The following MESP1 variants were observed in gnomAD, a reference collection of about 807,000 sequenced individuals.
The protein encoded by MESP1 is mesoderm posterior bHLH transcription factor 1.
A neutral mutation model predicts 15.2 loss-of-function variants in MESP1; 22 were observed. The observed-to-expected ratio is 1.45, with a 90% CI of 1.04 to 2.07. The LOEUF is 2.07. Among genes scored for constraint, MESP1 ranks in the 30% most tolerant of loss-of-function variants. The pLI is 0.00. For synonymous variants in MESP1, 216 were observed against 192.6 expected (o/e 1.12, Z -1.01); for missense variants, 484 against 411.9 (o/e 1.17, Z -1.51).
the MESP1 span, chr15:89,737,533 G>A: frequency 6.2e-7 from 1 of 1,613,248 alleles, no homozygotes; most frequent in Non-Finnish European, 8.5e-7. Context: ...GAGGGACAGA[G>A]TCCAGTAGAA....
At chr15:89,740,295 C>G in the MESP1 span, among the ~76,000 whole-genome samples, 1 of 152,136 alleles carries the variant, frequency 6.6e-6, no homozygotes, top group Non-Finnish European at 1.5e-5. Flanking sequence ...CAGGGGCGTT[C>G]AAGTCCTTCC....
the MESP1 span, chr15:89,743,196 C>A: frequency 8.2e-7 from 1 of 1,225,196 alleles, no homozygotes; most frequent in South Asian, 1.2e-5. Context: ...CTTAGAGTTT[C>A]TCATAGGAGC....
chr15:89,745,233 G>A (rs910537833), downstream of MESP1, among the ~76,000 whole-genome samples: 6 of 152,184 alleles, frequency 3.9e-5, no homozygotes, highest in Non-Finnish European at 8.8e-5. The surrounding 1 kb of genome is among the most constrained non-coding windows in gnomAD (Gnocchi z 4.8). Flanking sequence ...AGGGGAGAGC[G>A]GGTGGGGAGA....
downstream of MESP1, among the ~76,000 whole-genome samples, chr15:89,747,545 G>A (rs888554593): frequency 1.3e-5 from 2 of 152,238 alleles, no homozygotes; most frequent in East Asian, 1.9e-4. Flanking sequence ...TCCACGGCAC[G>A]TGGGGCCTGG....
the MESP1 span, chr15:89,743,679 A>C: frequency 1.5e-5 from 6 of 395,866 alleles, no homozygotes; most frequent in African/African-American, 1.2e-4. Flanking sequence ...GTTCCCACGC[A>C]GTCCAGACCC....
the MESP1 span, chr15:89,743,325 G>C: frequency 7.4e-6 from 12 of 1,614,238 alleles, no homozygotes; most frequent in Non-Finnish European, 1.0e-5. Context: ...CAGAGAAGGA[G>C]GAGGAGCACT....
the MESP1 span, chr15:89,738,324 T>C: frequency 1.4e-6 from 2 of 1,435,932 alleles, no homozygotes; most frequent in Non-Finnish European, 1.9e-6. Context: ...GGTAAATCCT[T>C]TCAGCATTGA....
the MESP1 span, among the ~76,000 whole-genome samples, chr15:89,732,707 G>A: frequency 2.0e-5 from 3 of 151,710 alleles, no homozygotes; most frequent in Admixed American, 6.6e-5. Flanking sequence ...GGTCAGCTGC[G>A]CCTCAGTCCC....
downstream of MESP1, among the ~76,000 whole-genome samples, chr15:89,745,744 A>C (rs1967926352): frequency 6.6e-6 from 1 of 152,078 alleles, no homozygotes; most frequent in Non-Finnish European, 1.5e-5. This position sits in a 1 kb window ranked among gnomAD's most constrained non-coding sequence, Gnocchi z 4.8. Flanking sequence ...AGCCTGGGCG[A>C]AAGAGCGAGA....
rs1480958716 is a variant in MESP1 at position 89,750,699 on chromosome 15, G to A, written c.533C>T (p.Thr178Met). 2.9e-6 allele frequency: 4 copies of A among 1,374,730 alleles called. No homozygotes were observed. The highest frequency in any genetic ancestry group is 3.5e-5 in the Admixed American group (1 of 28,234). The allele number at this position is 1,374,730 out of a possible 1,614,324, so 85.2% of individuals were successfully genotyped here. Residue 178 changes from threonine (T) to methionine (M), a missense_variant, in exon 1 of 2, where the codon ACG becomes ATG. Coordinates refer to ENST00000300057, the MANE Select transcript of MESP1 (RefSeq NM_018670.4). ...CCCCTGCCCCTGCCCCTCAGCCTGC[G>A]TCCGTGTCTGCATCTGCGCGGGGCA... The part of the protein sequence containing the change: ...DDCPAQMQTR[T>M]QAEGQGQGRG...
chr15:89,746,426 C>T (rs1319660059), downstream of MESP1, among the ~76,000 whole-genome samples: 9 of 148,042 alleles, frequency 6.1e-5, no homozygotes, highest in African/African-American at 2.3e-4. Flanking sequence ...CACATCCACA[C>T]CGCATCCACA....
chr15:89,742,919 T>G, the MESP1 span, among the ~76,000 whole-genome samples: 1 of 152,240 alleles, frequency 6.6e-6, no homozygotes, highest in Non-Finnish European at 1.5e-5. Flanking sequence ...GACTGGCATA[T>G]TTCAGTCAGC....
In MESP1 at chr15:89,750,923, G is replaced by C. The variant is rs746226182; in HGVS notation, c.309C>G (p.His103Gln). ...LRMRTLARAL[H>Q]ELRRFLPPSV... ...ACGGCGGTAGAAAGCGGCGCAGCTC[G>C]TGCAGGGCGCGGGCCAGCGTGCGCA... The change falls in exon 1 of 2, where the codon CAC (histidine) becomes CAG (glutamine). Residue 103 changes from histidine to glutamine, a missense_variant. His to Gln is a conservative substitution (Grantham distance 24). Coordinates refer to ENST00000300057, the MANE Select transcript of MESP1 (RefSeq NM_018670.4). The C allele has an allele frequency of 6.8e-7, 1 of 1,476,370 alleles. No individual in the cohort carries two copies. Among genetic ancestry groups the C allele is most frequent in the African/African-American group, 1.4e-5 (1 of 69,040 alleles). 91.5% of individuals were successfully genotyped at this position (1,476,370 alleles called of 1,614,324 possible).
At chr15:89,736,555 C>T in the MESP1 span, among the ~76,000 whole-genome samples, 249 of 151,960 alleles carry the variant, frequency 1.6e-3, no homozygotes, top group Non-Finnish European at 3.0e-3. Flanking sequence ...ACAAAGTGAC[C>T]GTGAGGGGCC....
chr15:89,737,467 A>G, the MESP1 span: 1 of 1,448,796 alleles, frequency 6.9e-7, no homozygotes, highest in Non-Finnish European at 9.4e-7. Context: ...AAGAGGTTTT[A>G]TGTCCAGCTG....
chr15:89,743,720 A>C, the MESP1 span: 49 of 303,088 alleles, frequency 1.6e-4, no homozygotes, highest in African/African-American at 9.2e-4. Flanking sequence ...TTTCAACCAG[A>C]GTCCTCGGCC....
the MESP1 span, chr15:89,737,514 C>A: frequency 1.9e-6 from 3 of 1,606,688 alleles, no homozygotes; most frequent in South Asian, 1.1e-5. Flanking sequence ...CTCTACACGA[C>A]CTTCCTGTGA....
At chr15:89,741,876 CA>C in the MESP1 span, among the ~76,000 whole-genome samples, 1 of 152,058 alleles carries the variant, frequency 6.6e-6, no homozygotes, top group East Asian at 1.9e-4. Flanking sequence ...CTCAGCCTCC[CA>C]AGTAGCTGGG....
Position 89,751,012 on chromosome 15 carries a change from C to A in MESP1, c.220G>T (p.Ala74Ser). The change falls in exon 1 of 2, where the codon GCG (alanine) becomes TCG (serine). Residue 74 changes from alanine to serine, a missense_variant. Transcript: ENST00000300057. ...CCGCTGCCCAGGCGGCTGCTGCGCG[C>A]GCCGCGCCTACCTACGGAGGGGGCG... ...PRAPSVGRRG[A>S]RSSRLGSGQR... 7.3e-7 allele frequency: 1 copy of A among 1,361,278 alleles called. No homozygotes were observed. Among genetic ancestry groups the A allele is most frequent in the African/African-American group, 1.5e-5 (1 of 65,576 alleles). 84.3% of individuals were successfully genotyped at this position (1,361,278 alleles called of 1,614,324 possible).
Sources: gnomAD v4.1 joint callset for allele counts (sites outside exome capture counted in the v4.1 genomes callset) on GRCh38, gnomAD v4.1.1 for gene constraint, Gnocchi (gnomAD v3.1) non-coding constraint, MANE v1.5 for transcripts, NCBI Gene and HGNC (gene_info 2026-07-23, HGNC 2026-07-21) for gene names.